Variants in RPS6KC1 observed in about 807,000 individuals in gnomAD.
RPS6KC1 encodes the protein inactive ribosomal protein S6 kinase delta-1.
Under a neutral mutation model 103.8 loss-of-function variants are expected in RPS6KC1, and 54 were observed. The ratio of observed to expected loss-of-function variants is 0.52; its 90% CI spans 0.42 to 0.65. RPS6KC1 has a LOEUF of 0.65. RPS6KC1 is among the 30% of genes least tolerant of loss of function. The pLI is 0.00. For missense variants in RPS6KC1, 1,151 were observed against 1,253.8 expected (o/e 0.92, Z 1.24); for synonymous variants, 439 against 438.7 (o/e 1.00, Z -0.01).
the RPS6KC1 span, among the ~76,000 whole-genome samples, chr1:213,587,314 C>T: frequency 1.3e-5 from 2 of 152,078 alleles, no homozygotes; most frequent in Non-Finnish European, 2.9e-5. Flanking sequence ...GCAGGGCAGC[C>T]CTATATTTCT....
the RPS6KC1 span, among the ~76,000 whole-genome samples, chr1:213,702,851 T>TTTTGTTTG: frequency 6.6e-6 from 1 of 151,232 alleles, no homozygotes; most frequent in African/African-American, 2.4e-5. Flanking sequence ...TTGAGGTTTT[T>TTTTGTTTG]TTTGTTTGTT....
chr1:213,307,768 A>C, the RPS6KC1 span, among the ~76,000 whole-genome samples: 2 of 152,156 alleles, frequency 1.3e-5, no homozygotes, highest in African/African-American at 2.4e-5. Context: ...CTATACAGTG[A>C]AACTCAAGTG....
At chr1:213,470,768 G>A in the RPS6KC1 span, among the ~76,000 whole-genome samples, 1 of 151,848 alleles carries the variant, frequency 6.6e-6, no homozygotes, top group East Asian at 1.9e-4. Context: ...CTATGGGCAT[G>A]TGCTACCTGC....
At chr1:213,729,799 G>A in the RPS6KC1 span, among the ~76,000 whole-genome samples, 1 of 151,868 alleles carries the variant, frequency 6.6e-6, no homozygotes, top group African/African-American at 2.4e-5. Flanking sequence ...AAGCTTGAGG[G>A]CACATGTGCA....
At chr1:213,118,149 G>A (rs1027048309) in intron 5 of RPS6KC1, among the ~76,000 whole-genome samples, 8 of 151,436 alleles carry the variant, frequency 5.3e-5, no homozygotes, top group African/African-American at 1.9e-4. Flanking sequence ...CAGTTTTAAT[G>A]TTTTTGATAT....
chr1:213,646,402 G>A, the RPS6KC1 span, among the ~76,000 whole-genome samples: 1 of 152,174 alleles, frequency 6.6e-6, no homozygotes, highest in East Asian at 1.9e-4. Context: ...GAGCCTGGAG[G>A]CCAGTGGCCA....
chr1:213,279,481 A>G (rs916127833), downstream of RPS6KC1, among the ~76,000 whole-genome samples: 91 of 152,230 alleles, frequency 6.0e-4, no homozygotes, highest in Non-Finnish European at 1.0e-4. Context: ...TTGGTTGATA[A>G]TGATATTCAC....
chr1:213,258,630 T>C (rs2149080835), intron 12 of RPS6KC1, among the ~76,000 whole-genome samples: 1 of 152,308 alleles, frequency 6.6e-6, no homozygotes, highest in South Asian at 2.1e-4. Context: ...ATATACCTGA[T>C]TAAGCAAGGA....
chr1:213,809,672 A>C, the RPS6KC1 span, among the ~76,000 whole-genome samples: 1 of 152,224 alleles, frequency 6.6e-6, no homozygotes, highest in African/African-American at 2.4e-5. Context: ...GAGGATACTC[A>C]TTACAATGTA....
At chr1:213,476,794 C>G in the RPS6KC1 span, among the ~76,000 whole-genome samples, 3 of 152,148 alleles carry the variant, frequency 2.0e-5, no homozygotes, top group Non-Finnish European at 4.4e-5. Flanking sequence ...TGCTTTCACT[C>G]CACCAAGTCC....
chr1:213,802,880 T>A, the RPS6KC1 span, among the ~76,000 whole-genome samples: 3,208 of 152,236 alleles, frequency 0.021, 117 homozygotes, highest in African/African-American at 0.072. Context: ...GAACCGGGAA[T>A]GTTTAGCCTG....
chr1:213,335,741 A>G, the RPS6KC1 span, among the ~76,000 whole-genome samples: 1 of 152,232 alleles, frequency 6.6e-6, no homozygotes, highest in Non-Finnish European at 1.5e-5. Flanking sequence ...TCTGTGACAA[A>G]GGGGCAGAGC....
At chr1:213,707,514 G>A in the RPS6KC1 span, among the ~76,000 whole-genome samples, 19,308 of 152,116 alleles carry the variant, frequency 0.13, 1,366 homozygotes, top group African/African-American at 0.19. Context: ...TCACTCAGAT[G>A]ATAGTTTCTA....
chr1:213,859,261 G>A, the RPS6KC1 span, among the ~76,000 whole-genome samples: 2 of 152,308 alleles, frequency 1.3e-5, no homozygotes, highest in East Asian at 3.9e-4. Context: ...GTGATTTGGA[G>A]TGGGTTCTAG....
the RPS6KC1 span, among the ~76,000 whole-genome samples, chr1:213,424,342 A>T: frequency 2.6e-5 from 4 of 152,078 alleles, no homozygotes; most frequent in Admixed American, 1.3e-4. Flanking sequence ...TCCCTTCTCT[A>T]TAAGTACATT....
the RPS6KC1 span, among the ~76,000 whole-genome samples, chr1:213,431,322 A>G: frequency 1.3e-5 from 2 of 152,184 alleles, no homozygotes; most frequent in Admixed American, 1.3e-4. Context: ...CAAGAATAAC[A>G]AGTATACGGA....
the RPS6KC1 span, among the ~76,000 whole-genome samples, chr1:213,363,736 TTC>T: frequency 2.4e-4 from 31 of 130,086 alleles, 2 homozygotes; most frequent in Non-Finnish European, 4.3e-4. Flanking sequence ...CGTTCTTTCT[TTC>T]TCTCTTCTTT....
chr1:213,700,757 C>T, the RPS6KC1 span, among the ~76,000 whole-genome samples: 1 of 151,870 alleles, frequency 6.6e-6, no homozygotes, highest in African/African-American at 2.4e-5. Flanking sequence ...GTTTTCATTA[C>T]AGAGATCTTT....
At chr1:213,083,077 A>AC (rs566742600) in intron 3 of RPS6KC1, among the ~76,000 whole-genome samples, 46 of 151,850 alleles carry the variant, frequency 3.0e-4, no homozygotes, top group Non-Finnish European at 2.6e-4. Context: ...GTCACAGGTG[A>AC]CCCCCCCACA....
Sources: gnomAD v4.1 joint callset for allele counts (sites outside exome capture counted in the v4.1 genomes callset) on GRCh38, gnomAD v4.1.1 for gene constraint, MANE v1.5 for transcripts, NCBI Gene and HGNC (gene_info 2026-07-23, HGNC 2026-07-21) for gene names.